UBASH3B: variants seen among roughly 807,000 people sequenced by gnomAD.
UBASH3B encodes the protein ubiquitin associated and SH3 domain containing B.
Under a neutral mutation model 83.4 loss-of-function variants are expected in UBASH3B, and 37 were observed. The ratio of observed to expected loss-of-function variants is 0.44; its 90% CI spans 0.34 to 0.58. The LOEUF (loss-of-function observed/expected upper bound fraction) is 0.58. Among genes scored for constraint, UBASH3B ranks in the 20% least tolerant of loss-of-function variants. UBASH3B has a pLI of 0.01. For missense variants in UBASH3B, 657 were observed against 827.2 expected (o/e 0.79, Z 2.52); for synonymous variants, 304 against 318.3 (o/e 0.96, Z 0.48).
At chr11:122,804,483 A>T (rs1414171604) in intron 11 of UBASH3B, among the ~76,000 whole-genome samples, 1 of 151,962 alleles carries the variant, frequency 6.6e-6, no homozygotes, top group Admixed American at 6.6e-5. Context: ...TGTGTAGAGG[A>T]TCGGCTCACA....
chr11:122,813,316 A>G lies in UBASH3B; in HGVS notation c.*3430A>G, dbSNP rs1861481974. 1 of 152,236 alleles carries G rather than the reference A, an allele frequency of 6.6e-6. No homozygotes were observed. Among genetic ancestry groups the G allele is most frequent in the African/African-American group, 2.4e-5 (1 of 41,454 alleles). 9.4% of individuals were successfully genotyped at this position (152,236 alleles called of 1,614,324 possible). ...CCTAGTGTTGTTGGGAACTAATTGAACAGCTACAGTAAAAGAAGTTCCTAT... is the reference window on the plus strand; with the variant it reads ...CCTAGTGTTGTTGGGAACTAATTGAGCAGCTACAGTAAAAGAAGTTCCTAT... On this transcript the variant is annotated 3_prime_UTR_variant, in exon 14 of 14. Coordinates refer to ENST00000284273, the MANE Select transcript of UBASH3B (RefSeq NM_032873.5).
At chr11:122,786,203 C>T (rs1480654465) in intron 5 of UBASH3B, among the ~76,000 whole-genome samples, 1 of 152,164 alleles carries the variant, frequency 6.6e-6, no homozygotes, top group Non-Finnish European at 1.5e-5. Flanking sequence ...GCACCTGCCA[C>T]CACGCCTGGC....
At chr11:122,698,137 C>T (rs1011042026) in intron 1 of UBASH3B, among the ~76,000 whole-genome samples, 2 of 152,204 alleles carry the variant, frequency 1.3e-5, no homozygotes, top group Non-Finnish European at 2.9e-5. Flanking sequence ...CAGAGCTGGG[C>T]TCAGCCACGT....
Position 122,671,752 on chromosome 11 carries a change from C to CT in UBASH3B, c.161+15543dup, listed in dbSNP as rs200532053. Among the ~76,000 whole-genome samples the CT allele has an allele frequency of 7.2e-3, 1,094 of 152,286 alleles. 8 individuals carry two copies. Among genetic ancestry groups the CT allele is most frequent in the African/African-American group, 0.023 (957 of 41,556 alleles). ...AGCGGTGGGACACCAGGAAAACCGCCTCGGTGAGATGGCCTGCATTGTGCG... is the reference window on the plus strand; with the variant it reads ...AGCGGTGGGACACCAGGAAAACCGCCTTCGGTGAGATGGCCTGCATTGTGCG... On this transcript the variant is annotated intron_variant, in intron 1 of 13. Coordinates refer to ENST00000284273, the MANE Select transcript of UBASH3B (RefSeq NM_032873.5).
chr11:122,794,591 T>C (rs534349331), intron 6 of UBASH3B, 111 bp from the exon 7 acceptor site: 1 of 1,365,982 alleles, frequency 7.3e-7, no homozygotes, highest in East Asian at 2.3e-5. Flanking sequence ...CCCATCATTG[T>C]GCTACCCACA....
At chr11:122,716,889 G>A (rs1224594666) in intron 1 of UBASH3B, among the ~76,000 whole-genome samples, 2 of 152,090 alleles carry the variant, frequency 1.3e-5, no homozygotes, top group Non-Finnish European at 2.9e-5. Context: ...GTCGGTCATG[G>A]CTCTTCTAGC....
intron 1 of UBASH3B, among the ~76,000 whole-genome samples, chr11:122,749,219 T>C (rs1414957556): frequency 6.6e-6 from 1 of 152,262 alleles, no homozygotes; most frequent in African/African-American, 2.4e-5. Flanking sequence ...ATGTCTTTAG[T>C]TGGTGTCTAA....
chr11:122,695,106 G>GGCGT (rs1431443227), intron 1 of UBASH3B, among the ~76,000 whole-genome samples: 4 of 151,274 alleles, frequency 2.6e-5, no homozygotes, highest in Non-Finnish European at 5.9e-5. Context: ...TGGGATTACA[G>GGCGT]GCACCTGCTA....
chr11:122,720,936 T>C (rs1860617803), intron 1 of UBASH3B, among the ~76,000 whole-genome samples: 1 of 151,816 alleles, frequency 6.6e-6, no homozygotes, highest in East Asian at 1.9e-4. Context: ...GTCTGACACA[T>C]AGTAGATGTT....
intron 1 of UBASH3B, among the ~76,000 whole-genome samples, chr11:122,714,100 T>C (rs1273392645): frequency 1.3e-5 from 2 of 152,224 alleles, no homozygotes; most frequent in African/African-American, 4.8e-5. Flanking sequence ...GAGTAGTTGA[T>C]TGCCTTCGTC....
chr11:122,720,086 C>T (rs1006841103), intron 1 of UBASH3B, among the ~76,000 whole-genome samples: 5 of 152,190 alleles, frequency 3.3e-5, no homozygotes, highest in African/African-American at 9.7e-5. Flanking sequence ...AAACTCCTGG[C>T]TTTATGTACT....
At chr11:122,777,259 A>G (rs1204013520) in intron 3 of UBASH3B, 49 bp downstream of exon 3, 2 of 1,557,944 alleles carry the variant, frequency 1.3e-6, no homozygotes, top group Admixed American at 3.7e-5. Context: ...CTAGGATCCC[A>G]GCCGGCCCTT....
rs191563296 is a variant in UBASH3B, at chr11:122,662,351, G to T, written c.161+6141G>T. 3.7e-4 allele frequency among the ~76,000 whole-genome samples: 56 copies of T among 151,908 alleles called. 1 individual carries two copies. In the East Asian group the frequency reaches 0.011, roughly 29 times the overall value. On this transcript the variant is annotated intron_variant, in intron 1 of 13. Transcript: ENST00000284273. ...CACAGTACGTTCACTGCCCCTAAAA[G>T]TTTCGTTTGTACCCCTTTGTGGTTA...
chr11:122,680,821 T>C (rs1863728908), intron 1 of UBASH3B, among the ~76,000 whole-genome samples: 1 of 152,246 alleles, frequency 6.6e-6, no homozygotes, highest in Admixed American at 6.5e-5. Context: ...GTCCTGTCTT[T>C]TCTCCTCTAC....
At position 122,729,795 on chromosome 11, in the gene UBASH3B, CAAAAAAAAAAAAAA is replaced by C. The variant is rs71054092; in HGVS notation, c.162-46413_162-46400del. Among the ~76,000 whole-genome samples, 3 of 40,882 alleles carry C rather than the reference CAAAAAAAAAAAAAA, an allele frequency of 7.3e-5. No homozygotes were observed. The Admixed American group carries it at 1.3e-3, about 17-fold the overall frequency. The allele number at this position is 40,882 out of a possible 152,430, so 26.8% of individuals were successfully genotyped here. Reference sequence around the variant, plus strand: ...GCAACATAGCAAGACCCTATCTCTACAAAAAAAAAAAAAAAAAAAAAAAACCCTAAAAAGTTACC... The same window carrying C: ...GCAACATAGCAAGACCCTATCTCTACAAAAAAAAAACCCTAAAAAGTTACC... On this transcript the variant is annotated intron_variant, in intron 1 of 13. Transcript: ENST00000284273.
chr11:122,776,072 G>A (rs1301569595), intron 1 of UBASH3B, 147 bp from the exon 2 acceptor site: 2 of 637,192 alleles, frequency 3.1e-6, no homozygotes, highest in Non-Finnish European at 5.3e-6. Flanking sequence ...ACCCTTGGGG[G>A]AAAACCTGCT....
intron 1 of UBASH3B, among the ~76,000 whole-genome samples, chr11:122,672,622 G>A (rs750068221): frequency 4.6e-5 from 7 of 152,110 alleles, no homozygotes; most frequent in Non-Finnish European, 8.8e-5. Context: ...CACAGTGCCC[G>A]GCCTATTTTG....
intron 1 of UBASH3B, among the ~76,000 whole-genome samples, chr11:122,686,658 G>T (rs534773482): frequency 6.6e-6 from 1 of 152,212 alleles, no homozygotes; most frequent in East Asian, 1.9e-4. Flanking sequence ...TCCGTGTGCA[G>T]GCGTTTGGGA....
intron 1 of UBASH3B, among the ~76,000 whole-genome samples, chr11:122,678,860 C>T (rs755214691): frequency 1.3e-5 from 2 of 152,186 alleles, no homozygotes; most frequent in Non-Finnish European, 2.9e-5. Context: ...CCCAGCGTTT[C>T]GCCTGATTTG....
Sources: allele counts gnomAD v4.1 joint callset (sites outside exome capture counted in the v4.1 genomes callset), GRCh38; gene constraint gnomAD v4.1.1; transcripts MANE v1.5; gene names NCBI Gene and HGNC (gene_info 2026-07-23, HGNC 2026-07-21).